Variants in GRIN2A observed in about 807,000 individuals in gnomAD.
GRIN2A encodes glutamate receptor ionotropic, NMDA 2A.
A neutral mutation model predicts 113.4 loss-of-function variants in GRIN2A; 22 were observed. That is an observed-to-expected ratio of 0.19 (90% CI 0.14 to 0.28). The LOEUF (loss-of-function observed/expected upper bound fraction) is 0.28, where lower values mean the gene tolerates loss of function less well. Ranked by LOEUF, GRIN2A falls within the 10% of genes least tolerant of loss-of-function variation. The pLI, the probability that GRIN2A is intolerant of heterozygous loss-of-function variation, is 1.00. For synonymous variants in GRIN2A, 827 were observed against 738.4 expected (o/e 1.12, Z -1.94); for missense variants, 1,502 against 1,887.0 (o/e 0.80, Z 3.78).
rs888800399 is a variant in GRIN2A at position 9,759,523 on chromosome 16, A to G, written c.*3626T>C. The G allele has an allele frequency of 3.5e-4, 78 of 224,382 alleles. No individual in the cohort carries two copies. The highest frequency in any genetic ancestry group is 1.8e-4 in the South Asian group (1 of 5,460). 13.9% of individuals were successfully genotyped at this position (224,382 alleles called of 1,614,324 possible). A position where few individuals can be genotyped will look rare whatever the true frequency, so the allele number is the denominator to read the frequency against. On this transcript the variant is annotated 3_prime_UTR_variant, in exon 13 of 13. Coordinates refer to ENST00000330684, the MANE Select transcript of GRIN2A (RefSeq NM_001134407.3). Reference sequence around the variant, plus strand: ...ATTTGTAAACAAGGTGTAATTTTCTATTTTTCTCCCCAGAAAATAAGCGTG... The same window carrying G: ...ATTTGTAAACAAGGTGTAATTTTCTGTTTTTCTCCCCAGAAAATAAGCGTG...
chr16:10,131,343 G>A lies in GRIN2A; in HGVS notation c.414+48655C>T, dbSNP rs539330862. ...TCCCCCATGTCCATGCTTCTCCCTA[G>A]GCTGTTCTCAGTTACAAAGACAAAG... On this transcript the variant is annotated intron_variant, in intron 2 of 12. Coordinates refer to ENST00000330684, the MANE Select transcript of GRIN2A (RefSeq NM_001134407.3). 2.6e-5 allele frequency among the ~76,000 whole-genome samples: 4 copies of A among 152,272 alleles called. No homozygotes were observed. In the South Asian group the frequency reaches 6.2e-4, roughly 24 times the overall value.
chr16:10,050,544 A>C (rs887357066), intron 2 of GRIN2A, among the ~76,000 whole-genome samples: 1 of 151,786 alleles, frequency 6.6e-6, no homozygotes, highest in Admixed American at 6.6e-5. Context: ...ATGCCTGTTG[A>C]TCTATCACTA....
At chr16:9,934,587 G>A (rs889864103) in intron 3 of GRIN2A, among the ~76,000 whole-genome samples, 14 of 144,286 alleles carry the variant, frequency 9.7e-5, no homozygotes, top group Admixed American at 2.9e-4. Flanking sequence ...AGGGTGGGGC[G>A]GGAGAATTGC....
rs138319849 is a variant in GRIN2A at position 9,869,880 on chromosome 16, C to T, written c.1123-19919G>A. ...CCACAGAAGGTATTTAGTCAAGGTT[C>T]CTTCCCACCTGCAATGTGCATGTTC... On this transcript the variant is annotated intron_variant, in intron 4 of 12. Coordinates refer to ENST00000330684, the MANE Select transcript of GRIN2A (RefSeq NM_001134407.3). Among the ~76,000 whole-genome samples the T allele has an allele frequency of 3.1e-3, 465 of 152,286 alleles. 4 individuals are homozygous for T. Among genetic ancestry groups the T allele is most frequent in the Non-Finnish European group, 5.2e-3 (352 of 68,020 alleles).
At chr16:9,893,006 C>T (rs529725603) in intron 3 of GRIN2A, among the ~76,000 whole-genome samples, 2 of 151,436 alleles carry the variant, frequency 1.3e-5, no homozygotes, top group South Asian at 4.2e-4. Context: ...AGACACTGGC[C>T]TAATGGGTCA....
chr16:10,148,266 G>A (rs1567333177), intron 2 of GRIN2A, among the ~76,000 whole-genome samples: 1 of 152,196 alleles, frequency 6.6e-6, no homozygotes, highest in Non-Finnish European at 1.5e-5. Context: ...TAAAACGGCA[G>A]AGTTGAGTAG....
At chr16:9,992,842 G>A (rs2046146104) in intron 2 of GRIN2A, among the ~76,000 whole-genome samples, 1 of 152,138 alleles carries the variant, frequency 6.6e-6, no homozygotes, top group Non-Finnish European at 1.5e-5. Flanking sequence ...ACCTGGGACT[G>A]AAATTATCTC....
chr16:9,873,198 G>C (rs2043299566), intron 4 of GRIN2A, among the ~76,000 whole-genome samples: 1 of 152,202 alleles, frequency 6.6e-6, no homozygotes, highest in Non-Finnish European at 1.5e-5. Flanking sequence ...GGGTGTGAGG[G>C]AGGAGGCTGA....
At chr16:10,173,793 G>GT (rs1265353107) in intron 2 of GRIN2A, among the ~76,000 whole-genome samples, 1 of 152,158 alleles carries the variant, frequency 6.6e-6, no homozygotes, top group Non-Finnish European at 1.5e-5. Flanking sequence ...AGAAGTCTAT[G>GT]TAGTGATAAA....
At chr16:10,087,255 T>C (rs557101872) in intron 2 of GRIN2A, among the ~76,000 whole-genome samples, 2 of 152,334 alleles carry the variant, frequency 1.3e-5, no homozygotes, top group African/African-American at 4.8e-5. Flanking sequence ...TTATAAGGAA[T>C]GTAATAGATT....
At chr16:10,118,211 T>G (rs1223570772) in intron 2 of GRIN2A, among the ~76,000 whole-genome samples, 1 of 152,208 alleles carries the variant, frequency 6.6e-6, no homozygotes, top group Non-Finnish European at 1.5e-5. Context: ...GTTATATATC[T>G]GTATTCAGCC....
chr16:10,175,445 T>C (rs1414486427), intron 2 of GRIN2A, among the ~76,000 whole-genome samples: 4 of 152,100 alleles, frequency 2.6e-5, no homozygotes, highest in Non-Finnish European at 4.4e-5. Context: ...TGCAACTAAA[T>C]AGATAAAAGG....
At chr16:10,062,755 C>T (rs781272868) in intron 2 of GRIN2A, among the ~76,000 whole-genome samples, 5 of 151,942 alleles carry the variant, frequency 3.3e-5, no homozygotes, top group Non-Finnish European at 7.4e-5. Context: ...ATCCCGGCTA[C>T]TCGGGAGGCA....
intron 2 of GRIN2A, among the ~76,000 whole-genome samples, chr16:10,130,408 T>G (rs1028198013): frequency 7.2e-5 from 11 of 152,182 alleles, no homozygotes; most frequent in African/African-American, 2.4e-4. Context: ...GAGCAGATCT[T>G]TGGGCTCAAA....
At chr16:9,994,550 C>T (rs1211810508) in intron 2 of GRIN2A, among the ~76,000 whole-genome samples, 1 of 152,062 alleles carries the variant, frequency 6.6e-6, no homozygotes, top group Non-Finnish European at 1.5e-5. Flanking sequence ...GGAAACTGGA[C>T]AGTTGGTTCA....
intron 2 of GRIN2A, among the ~76,000 whole-genome samples, chr16:10,001,031 G>C (rs1446822796): frequency 6.6e-6 from 1 of 152,120 alleles, no homozygotes; most frequent in Non-Finnish European, 1.5e-5. Context: ...AATAAATAAA[G>C]GTGTTGTGAT....
intron 2 of GRIN2A, among the ~76,000 whole-genome samples, chr16:10,117,989 G>C (rs940570823): frequency 6.6e-6 from 1 of 152,096 alleles, no homozygotes; most frequent in African/African-American, 2.4e-5. Flanking sequence ...CCTGGTGATG[G>C]GTGCAGAGAT....
intron 2 of GRIN2A, among the ~76,000 whole-genome samples, chr16:10,038,837 G>T (rs555691940): frequency 1.3e-4 from 18 of 143,916 alleles, no homozygotes; most frequent in Non-Finnish European, 2.7e-4. Flanking sequence ...GACAGAATGA[G>T]ACTCCTTCTC....
chr16:10,055,046 TCA>T (rs1491405901), intron 2 of GRIN2A, among the ~76,000 whole-genome samples: 45 of 12,484 alleles, frequency 3.6e-3, no homozygotes, highest in Admixed American at 6.6e-3. Flanking sequence ...AGACTCTATC[TCA>T]AAAAAAAAAA....
Sources: gnomAD v4.1 joint callset for allele counts (sites outside exome capture counted in the v4.1 genomes callset) on GRCh38, gnomAD v4.1.1 for gene constraint, MANE v1.5 for transcripts, NCBI Gene and HGNC (gene_info 2026-07-23, HGNC 2026-07-21) for gene names.